EDARADD: variants seen among roughly 807,000 people sequenced by gnomAD.
EDARADD encodes the protein ectodysplasin-A receptor-associated adapter protein.
Under a neutral mutation model 25.6 loss-of-function variants are expected in EDARADD, and 20 were observed. That is an observed-to-expected ratio of 0.78 (90% CI 0.55 to 1.14). The LOEUF is 1.14. EDARADD is among the 50% of genes most tolerant of loss of function. EDARADD has a pLI of 0.00. For synonymous variants in EDARADD, 86 were observed against 94.4 expected (o/e 0.91, Z 0.52); for missense variants, 225 against 270.1 (o/e 0.83, Z 1.17).
intron 3 of EDARADD, among the ~76,000 whole-genome samples, chr1:236,363,030 T>TATATATATATATATATATATATATATAA (rs796610771): frequency 5.9e-5 from 6 of 101,954 alleles, no homozygotes; most frequent in African/African-American, 1.9e-4. Context: ...TATATATATA[T>TATATATATATATATATATATATATATAA]ATAAAATTTG....
chr1:236,392,469 C>T (rs1271422151), upstream of EDARADD, among the ~76,000 whole-genome samples: 4 of 148,520 alleles, frequency 2.7e-5, no homozygotes, highest in Non-Finnish European at 4.4e-5. Context: ...GGACTACAGG[C>T]ATGTACCACC....
intron 5 of EDARADD, among the ~76,000 whole-genome samples, chr1:236,473,468 T>C (rs1659408558): frequency 6.6e-6 from 1 of 152,074 alleles, no homozygotes; most frequent in South Asian, 2.1e-4. Flanking sequence ...GGGGACTCTT[T>C]CTTCTGCCTC....
At chr1:236,432,625 C>T (rs1221293507) in intron 4 of EDARADD, among the ~76,000 whole-genome samples, 2 of 152,032 alleles carry the variant, frequency 1.3e-5, no homozygotes, top group African/African-American at 4.8e-5. Flanking sequence ...TGGCTCATGC[C>T]TGTAATCCCA....
At chr1:236,460,193 T>G (rs1245825650) in intron 4 of EDARADD, among the ~76,000 whole-genome samples, 1 of 151,104 alleles carries the variant, frequency 6.6e-6, no homozygotes, top group Admixed American at 6.6e-5. Flanking sequence ...TTTTCTTTTT[T>G]TTTTTTTTTG....
intron 3 of EDARADD, among the ~76,000 whole-genome samples, chr1:236,365,303 A>C (rs555408029): frequency 6.6e-6 from 1 of 152,144 alleles, no homozygotes; most frequent in African/African-American, 2.4e-5. Flanking sequence ...AGCTGGGACC[A>C]CAGGCACGTG....
chr1:236,433,887 AAAC>A (rs1658173157), intron 4 of EDARADD, among the ~76,000 whole-genome samples: 1 of 59,494 alleles, frequency 1.7e-5, no homozygotes, highest in Non-Finnish European at 6.6e-5. Context: ...AAAAACAAAC[AAAC>A]AAAAAAAACA....
At chr1:236,467,198 A>G (rs1450173548) in intron 4 of EDARADD, among the ~76,000 whole-genome samples, 1 of 151,530 alleles carries the variant, frequency 6.6e-6, no homozygotes, top group Non-Finnish European at 1.5e-5. Flanking sequence ...AGCCACCTCA[A>G]CACACAAACG....
At chr1:236,461,148 C>G (rs553104679) in intron 4 of EDARADD, among the ~76,000 whole-genome samples, 1 of 152,250 alleles carries the variant, frequency 6.6e-6, no homozygotes, top group African/African-American at 2.4e-5. Context: ...GGTCTAAATC[C>G]ATATGCTGTG....
At chr1:236,457,898 A>G (rs985076278) in intron 4 of EDARADD, among the ~76,000 whole-genome samples, 1 of 152,138 alleles carries the variant, frequency 6.6e-6, no homozygotes, top group Non-Finnish European at 1.5e-5. Context: ...TATTTCCCCA[A>G]GAAGAGCGGG....
chr1:236,401,940 G>A (rs1457418440), intron 1 of EDARADD, among the ~76,000 whole-genome samples: 1 of 152,146 alleles, frequency 6.6e-6, no homozygotes, highest in Non-Finnish European at 1.5e-5. Context: ...AAGAGAGTCT[G>A]TCGGGTGGTC....
upstream of EDARADD, among the ~76,000 whole-genome samples, chr1:236,393,391 C>CTTTT (rs761525038): frequency 0.064 from 5,609 of 87,152 alleles, 891 homozygotes; most frequent in East Asian, 0.26. Flanking sequence ...TTCTTTCTTT[C>CTTTT]TTTTTTTTTT....
At chr1:236,473,997 C>T (rs754505853) in intron 5 of EDARADD, among the ~76,000 whole-genome samples, 8 of 152,118 alleles carry the variant, frequency 5.3e-5, no homozygotes, top group Non-Finnish European at 5.9e-5. Context: ...CATCTTGTCC[C>T]TCATCTCATT....
chr1:236,439,374 G>T (rs2103021560), intron 4 of EDARADD, among the ~76,000 whole-genome samples: 1 of 152,340 alleles, frequency 6.6e-6, no homozygotes, highest in East Asian at 1.9e-4. Context: ...CAAGAAGCAT[G>T]ATTGCTGGCT....
chr1:236,482,509 C>T lies in EDARADD; in HGVS notation c.508C>T (p.Arg170Trp). 3 of 1,613,170 alleles carry T rather than the reference C, an allele frequency of 1.9e-6. No individual in the cohort carries two copies. The highest frequency in any genetic ancestry group is 2.5e-6 in the Non-Finnish European group (3 of 1,179,362). The change falls in exon 6 of 6, where the codon CGG (arginine) becomes TGG (tryptophan). Residue 170 changes from arginine to tryptophan, a missense_variant. Coordinates refer to ENST00000334232, the MANE Select transcript of EDARADD (RefSeq NM_145861.4). The part of the protein sequence containing the change: ...PQSPTLEFLL[R>W]NSQRTVGQLM... ...GAGCCCCACCTTGGAGTTCTTGCTC[C>T]GGAACAGTCAGAGGACGGTGGGCCA...
At chr1:236,393,201 G>A (rs929110015), upstream of EDARADD, among the ~76,000 whole-genome samples, 16 of 152,056 alleles carry the variant, frequency 1.1e-4, no homozygotes, top group African/African-American at 3.1e-4. Context: ...GTCCATCAGC[G>A]AAATCCAGCA....
chr1:236,466,844 G>A lies in EDARADD; in HGVS notation c.220-1387G>A, dbSNP rs376433304. ...AACACTTTGGGAGGCCAAGGTGGGC[G>A]GATCATGAGGTCAGGAGTTCGAGAC... On this transcript the variant is annotated intron_variant, in intron 4 of 5. Transcript: ENST00000334232. Among the ~76,000 whole-genome samples, 16 of 152,234 alleles carry A rather than the reference G, an allele frequency of 1.1e-4. No homozygotes were observed. The East Asian group carries it at 1.2e-3, about 11-fold the overall frequency.
chr1:236,431,193 T>C (rs1658086082), intron 4 of EDARADD, among the ~76,000 whole-genome samples: 1 of 152,230 alleles, frequency 6.6e-6, no homozygotes, highest in Non-Finnish European at 1.5e-5. Context: ...GCCTTTTTAG[T>C]GATTTTTATA....
intron 3 of EDARADD, among the ~76,000 whole-genome samples, chr1:236,352,704 C>G (rs566117027): frequency 6.6e-6 from 1 of 152,224 alleles, no homozygotes; most frequent in Admixed American, 6.5e-5. Flanking sequence ...AAAAATTAGC[C>G]GGGCGTGGTG....
intron 5 of EDARADD, among the ~76,000 whole-genome samples, chr1:236,479,550 T>C (rs772586477): frequency 2.6e-5 from 4 of 152,028 alleles, no homozygotes; most frequent in Non-Finnish European, 5.9e-5. Flanking sequence ...CCTGGGCTTC[T>C]CTGTGTACAC....
Sources: allele counts gnomAD v4.1 joint callset (sites outside exome capture counted in the v4.1 genomes callset), GRCh38; gene constraint gnomAD v4.1.1; transcripts MANE v1.5; gene names NCBI Gene and HGNC (gene_info 2026-07-23, HGNC 2026-07-21).